Variants in COMTD1 observed in about 807,000 individuals in gnomAD.
COMTD1 encodes the protein catechol O-methyltransferase domain-containing protein 1.
A neutral mutation model predicts 33.6 loss-of-function variants in COMTD1; 35 were observed. The ratio of observed to expected loss-of-function variants is 1.04; its 90% CI spans 0.80 to 1.38. The LOEUF is 1.38. COMTD1 is among the 40% of genes most tolerant of loss of function. The pLI, the probability that COMTD1 is intolerant of heterozygous loss-of-function variation, is 0.00. For missense variants in COMTD1, 370 were observed against 363.4 expected, an observed-to-expected ratio of 1.02 and a Z score of -0.15; for synonymous variants, 160 against 176.8, an observed-to-expected ratio of 0.91 and a Z score of 0.75.
At position 75,234,232 on chromosome 10, in the gene COMTD1, G is replaced by A. The variant is rs1193661474; in HGVS notation, c.637-7C>T. On this transcript the variant is annotated splice_region_variant and splice_polypyrimidine_tract_variant and intron_variant, in intron 6 of 6. Coordinates refer to ENST00000372538, the MANE Select transcript of COMTD1 (RefSeq NM_144589.4). ...CCTTCCCGCGCCACAGGACCTGCGG[G>A]AGGGCGGGGCCAACCGGGCCGTGGG... 27 of 1,607,370 alleles carry A rather than the reference G, an allele frequency of 1.7e-5. No homozygotes were observed. The highest frequency in any genetic ancestry group is 2.1e-5 in the Non-Finnish European group (25 of 1,178,390).
intron 4 of COMTD1, 23 bp from the exon 5 acceptor site, chr10:75,235,015 G>C (rs1053258127): frequency 6.7e-7 from 1 of 1,494,170 alleles, no homozygotes; most frequent in Non-Finnish European, 8.9e-7. Context: ...CGGGTCAGCC[G>C]TTGCGCCCCC....
chr10:75,235,797 G>GGGGCCCCC, intron 1 of COMTD1, 38 bp downstream of exon 1: 1 of 1,538,650 alleles, frequency 6.5e-7, no homozygotes, highest in Non-Finnish European at 8.8e-7. Context: ...CCTACTCTGC[G>GGGGCCCCC]CCCGCCCACC....
intron 6 of COMTD1, 45 bp downstream of exon 6, chr10:75,234,565 C>G: frequency 6.6e-7 from 1 of 1,522,094 alleles, no homozygotes; most frequent in Non-Finnish European, 8.8e-7. Context: ...GATGGGGACC[C>G]GGCCCGACAG....
intron 2 of COMTD1, 38 bp from the exon 3 acceptor site, chr10:75,235,410 C>CA: frequency 3.4e-6 from 5 of 1,452,424 alleles, no homozygotes; most frequent in South Asian, 1.3e-5. Context: ...CCATGCAGGT[C>CA]ACCCACCTTC....
chr10:75,235,790 A>G (rs1277383980), intron 1 of COMTD1, 45 bp downstream of exon 1: 2 of 1,553,156 alleles, frequency 1.3e-6, no homozygotes, highest in East Asian at 2.4e-5. Context: ...GCCGCGCCCT[A>G]CTCTGCGCCC....
In COMTD1 at chr10:75,234,758, G is replaced by A; in HGVS notation, c.503-15C>T. On this transcript the variant is annotated splice_polypyrimidine_tract_variant and intron_variant, in intron 5 of 6. Coordinates refer to ENST00000372538, the MANE Select transcript of COMTD1 (RefSeq NM_144589.4). ...CAGCAGCTCGTCTTGCGGGGGGAGG[G>A]AGGGCAGGTGCGGCTGAGTCCGCGG... 1 of 1,570,954 alleles carries A rather than the reference G, an allele frequency of 6.4e-7. No individual in the cohort carries two copies. Among genetic ancestry groups the A allele is most frequent in the South Asian group, 1.2e-5 (1 of 86,068 alleles).
At position 75,233,661 on chromosome 10, in the gene COMTD1, T is replaced by A. The variant is rs1302868003; in HGVS notation, c.*412A>T. On this transcript the variant is annotated 3_prime_UTR_variant, in exon 7 of 7. Transcript: ENST00000372538. ...CGTGGTCCCCTGCAATCCTCTTTCA[T>A]GTTGTCAGACACCAGACGTGGCTCT... 1.3e-5 allele frequency among the ~76,000 whole-genome samples: 2 copies of A among 152,318 alleles called. No homozygotes were observed. The highest frequency in any genetic ancestry group is 4.8e-5 in the African/African-American group (2 of 41,562).
Position 75,234,627 on chromosome 10 carries a change from T to A in COMTD1, c.619A>T (p.Ile207Phe), listed in dbSNP as rs1458269560. ...RCLQLLRPGGILAVLRVLWRG... is the reference protein window; with the variant it reads ...RCLQLLRPGGFLAVLRVLWRG... ...TCCCTTACTCTGAGGACGGCGAGGA[T>A]GCCTCCGGGTCGCAGCAGCTGCAGG... The change falls in exon 6 of 7, where the codon ATC becomes TTC. Residue 207 changes from isoleucine (I) to phenylalanine (F), a missense_variant. Physicochemically the swap from Ile to Phe is conservative, Grantham distance 21 (BLOSUM62 0). Coordinates refer to ENST00000372538, the MANE Select transcript of COMTD1 (RefSeq NM_144589.4). The A allele has an allele frequency of 1.9e-6, 3 of 1,563,878 alleles. No homozygotes were observed. The highest frequency in any genetic ancestry group is 2.6e-6 in the Non-Finnish European group (3 of 1,154,712).
rs1842160513 is a variant in COMTD1, at chr10:75,234,611, CTG to C, written c.633_634del (p.Arg212SerfsTer88). 6.4e-7 allele frequency: 1 copy of C among 1,560,946 alleles called. No homozygotes were observed. Among genetic ancestry groups the C allele is most frequent in the Non-Finnish European group, 8.7e-7 (1 of 1,153,144 alleles). On this transcript the variant is annotated frameshift_variant and splice_region_variant, in exon 6 of 7. Transcript: ENST00000372538. LOFTEE classifies it high-confidence loss of function. ...CCTCCCCCGCAGTGGATCCCTTACT[CTG>C]AGGACGGCGAGGATGCCTCCGGGTC...
Position 75,235,168 on chromosome 10 carries a change from C to A in COMTD1, c.339G>T (p.Thr113=). 1 of 1,406,792 alleles carries A rather than the reference C, an allele frequency of 7.1e-7. No homozygotes were observed. The highest frequency in any genetic ancestry group is 2.8e-5 in the East Asian group (1 of 35,120). 87.1% of individuals were successfully genotyped at this position (1,406,792 alleles called of 1,614,324 possible). ...GGGCCAGGGCCAGGGCGGAGTAGCC[C>A]GTGAAGGTGCCTGGGACCAGGACAC... is the stretch of plus-strand genomic sequence containing the variant. The part of the protein sequence containing the change: ...AKKALDLGTF[T]GYSALALALA... Residue 113 remains threonine (T), a synonymous_variant, in exon 4 of 7, where the codon ACG becomes ACT. Coordinates refer to ENST00000372538, the MANE Select transcript of COMTD1 (RefSeq NM_144589.4).
At position 75,235,360 on chromosome 10, in the gene COMTD1, G is replaced by T; in HGVS notation, c.235C>A (p.Gln79Lys). 6.3e-7 allele frequency: 1 copy of T among 1,574,878 alleles called. No homozygotes were observed. ...GTCATCATAGAATCCCCCTGCGGCT[G>T]CTCCAGGGTCAGCTGCGTGAAAGGA... ...LRSLRLLTLE[Q>K]PQGDSMMTCE... The change falls in exon 3 of 7, where the codon CAG (glutamine) becomes AAG (lysine). Residue 79 changes from glutamine to lysine, a missense_variant. By Grantham distance (53) the Gln-to-Lys change is moderately conservative. Transcript: ENST00000372538.
Position 75,233,719 on chromosome 10 carries a change from C to T in COMTD1, c.*354G>A, listed in dbSNP as rs566128839. 6.6e-6 allele frequency among the ~76,000 whole-genome samples: 1 copy of T among 152,348 alleles called. No individual in the cohort carries two copies. Among genetic ancestry groups the T allele is most frequent in the African/African-American group, 2.4e-5 (1 of 41,594 alleles). On this transcript the variant is annotated 3_prime_UTR_variant, in exon 7 of 7. Coordinates refer to ENST00000372538, the MANE Select transcript of COMTD1 (RefSeq NM_144589.4). ...TCCCAGCTGCTCAGAACCAGAGCTT[C>T]GCCTGCCCTGAGGGAGAGATGTAGG... is the stretch of plus-strand genomic sequence containing the variant.
In COMTD1 at chr10:75,235,620, C is replaced by T; in HGVS notation, c.218G>A (p.Arg73Lys). 1 of 1,590,832 alleles carries T rather than the reference C, an allele frequency of 6.3e-7. No homozygotes were observed. Residue 73 changes from arginine to lysine, a missense_variant, in exon 2 of 7, where the codon AGG (arginine) becomes AAG (lysine). By Grantham distance (26) the Arg-to-Lys change is conservative. Coordinates refer to ENST00000372538, the MANE Select transcript of COMTD1 (RefSeq NM_144589.4). ...MREHPALRSL[R>K]LLTLEQPQGD... ...TCCGTCCCGCGCCCTGCTGACCAGC[C>T]TCAGGCTTCGCAGCGCCGGGTGCTC...
chr10:75,234,324 G>C, intron 6 of COMTD1, 99 bp from the exon 7 acceptor site: 6 of 1,284,898 alleles, frequency 4.7e-6, no homozygotes, highest in Non-Finnish European at 6.4e-6. Context: ...GCCCGGGCGG[G>C]AGGCGGGGTC....
chr10:75,234,770 G>T, intron 5 of COMTD1, 27 bp from the exon 6 acceptor site: 1 of 1,557,782 alleles, frequency 6.4e-7, no homozygotes, highest in Non-Finnish European at 8.7e-7. Context: ...GGGCAGGTGC[G>T]GCTGAGTCCG....
Position 75,235,853 on chromosome 10 carries a change from C to A in COMTD1, c.76G>T (p.Ala26Ser). 2 of 1,366,734 alleles carry A rather than the reference C, an allele frequency of 1.5e-6. No individual in the cohort carries two copies. Among genetic ancestry groups the A allele is most frequent in the Non-Finnish European group, 1.9e-6 (2 of 1,041,760 alleles). The allele number at this position is 1,366,734 out of a possible 1,614,324, so 84.7% of individuals were successfully genotyped here. ...LGSAALGAAF[A>S]TGLFLGRRCP... is the part of the protein sequence containing the mutation. ...TGCTCACCCAGGAAGAGGCCAGTGG[C>A]GAAGGCGGCGCCCAGTGCGGCTGAG... is the stretch of plus-strand genomic sequence containing the variant. The change falls in exon 1 of 7, where the codon GCC (alanine) becomes TCC (serine). Residue 26 changes from alanine to serine, a missense_variant. Coordinates refer to ENST00000372538, the MANE Select transcript of COMTD1 (RefSeq NM_144589.4).
In COMTD1 at chr10:75,235,076, C is replaced by A. The variant is rs1287840276; in HGVS notation, c.431G>T (p.Arg144Leu). The change falls in exon 4 of 7, where the codon CGG becomes CTG. Residue 144 changes from arginine (R) to leucine (L), a missense_variant. Coordinates refer to ENST00000372538, the MANE Select transcript of COMTD1 (RefSeq NM_144589.4). ...EVDAQPPELG[R>L]PLWRQAEAEH... ...GGCGCTCACCTGCCTCCACAGGGGC[C>A]GTCCCAGCTCCGGGGGCTGCGCGTC... is the stretch of plus-strand genomic sequence containing the variant. The A allele has an allele frequency of 7.0e-7, 1 of 1,420,882 alleles. No individual in the cohort carries two copies. The highest frequency in any genetic ancestry group is 9.2e-7 in the Non-Finnish European group (1 of 1,092,120). 88.0% of individuals were successfully genotyped at this position (1,420,882 alleles called of 1,614,324 possible). A position where few individuals can be genotyped will look rare whatever the true frequency, so the allele number is the denominator to read the frequency against.
rs1245146691 is a variant in COMTD1, at chr10:75,235,090, G to C, written c.417C>G (p.Pro139=). 3 of 1,410,398 alleles carry C rather than the reference G, an allele frequency of 2.1e-6. No individual in the cohort carries two copies. The highest frequency in any genetic ancestry group is 2.8e-6 in the Non-Finnish European group (3 of 1,087,794). 87.4% of individuals were successfully genotyped at this position (1,410,398 alleles called of 1,614,324 possible). A position where few individuals can be genotyped will look rare whatever the true frequency, so the allele number is the denominator to read the frequency against. The part of the protein sequence containing the change: ...RVVTCEVDAQ[P]PELGRPLWRQ... ...TCCACAGGGGCCGTCCCAGCTCCGG[G>C]GGCTGCGCGTCCACCTCGCAGGTCA... Residue 139 remains proline (P), a synonymous_variant, in exon 4 of 7, where the codon CCC becomes CCG. Transcript: ENST00000372538.
In COMTD1 at chr10:75,233,703, C is replaced by T. The variant is rs189751630; in HGVS notation, c.*370G>A. 1.5e-4 allele frequency among the ~76,000 whole-genome samples: 23 copies of T among 152,374 alleles called. No individual in the cohort carries two copies. Among genetic ancestry groups the T allele is most frequent in the African/African-American group, 5.5e-4 (23 of 41,594 alleles). On this transcript the variant is annotated 3_prime_UTR_variant, in exon 7 of 7. Coordinates refer to ENST00000372538, the MANE Select transcript of COMTD1 (RefSeq NM_144589.4). ...CGTGGCTCTCTACCAGTCCCAGCTG[C>T]TCAGAACCAGAGCTTCGCCTGCCCT...
Sources: allele counts gnomAD v4.1 joint callset (sites outside exome capture counted in the v4.1 genomes callset), GRCh38; gene constraint gnomAD v4.1.1; transcripts MANE v1.5; gene names NCBI Gene and HGNC (gene_info 2026-07-23, HGNC 2026-07-21).